Variants in BMP2K observed in about 807,000 individuals in gnomAD.
The protein encoded by BMP2K is BMP2 inducible kinase.
A neutral mutation model predicts 116.0 loss-of-function variants in BMP2K; 74 were observed. The ratio of observed to expected loss-of-function variants is 0.64; its 90% CI spans 0.53 to 0.77. The LOEUF (loss-of-function observed/expected upper bound fraction) is 0.77. BMP2K is among the 30% of genes least tolerant of loss of function. The probability of loss-of-function intolerance (pLI) is 0.00; values close to 1 mark genes in which losing one functional copy is unlikely to be tolerated. For missense variants in BMP2K, 1,365 were observed against 1,403.6 expected, an observed-to-expected ratio of 0.97 and a Z score of 0.44; for synonymous variants, 486 against 502.5, an observed-to-expected ratio of 0.97 and a Z score of 0.44.
intron 15 of BMP2K, among the ~76,000 whole-genome samples, chr4:78,900,196 A>G (rs929393520): frequency 6.6e-6 from 1 of 152,228 alleles, no homozygotes; most frequent in Non-Finnish European, 1.5e-5. Context: ...AGTAGTAAAT[A>G]TCTTATTGAC....
Position 78,776,451 on chromosome 4 carries a change from G to A in BMP2K, c.-93G>A. On this transcript the variant is annotated 5_prime_UTR_variant, in exon 1 of 16. Coordinates refer to ENST00000502613, the MANE Select transcript of BMP2K (RefSeq NM_198892.2). ...GGCCGCAGCACGCTCGGACGGGCCA[G>A]GGGCGGCGACCCCTCGCGGACGCCC... is the stretch of plus-strand genomic sequence containing the variant. 9.3e-7 allele frequency: 1 copy of A among 1,080,652 alleles called. No homozygotes were observed. The highest frequency in any genetic ancestry group is 1.1e-6 in the Non-Finnish European group (1 of 888,836). 66.9% of individuals were successfully genotyped at this position (1,080,652 alleles called of 1,614,324 possible).
chr4:78,909,586 A>G (rs1333144548), intron 15 of BMP2K, among the ~76,000 whole-genome samples: 1 of 152,048 alleles, frequency 6.6e-6, no homozygotes, highest in East Asian at 1.9e-4. Flanking sequence ...CCCCTTAAAT[A>G]TGTCTTTATA....
intron 4 of BMP2K, among the ~76,000 whole-genome samples, chr4:78,844,646 T>G (rs1730911764): frequency 6.6e-6 from 1 of 151,616 alleles, no homozygotes; most frequent in Non-Finnish European, 1.5e-5. Flanking sequence ...CATTTCTCTG[T>G]TCTTAGTAAG....
intron 3 of BMP2K, among the ~76,000 whole-genome samples, chr4:78,839,982 T>G (rs1730680082): frequency 6.6e-6 from 1 of 152,136 alleles, no homozygotes; most frequent in Admixed American, 6.5e-5. Context: ...CTTTGCATCC[T>G]TCAGTCCAAT....
chr4:78,864,295 G>A (rs1731937853), intron 9 of BMP2K, among the ~76,000 whole-genome samples: 1 of 151,938 alleles, frequency 6.6e-6, no homozygotes, highest in Non-Finnish European at 1.5e-5. Context: ...CTTGAGCTTA[G>A]GGAGTATAGC....
chr4:78,907,961 A>T (rs924945110), intron 15 of BMP2K, among the ~76,000 whole-genome samples: 1 of 152,128 alleles, frequency 6.6e-6, no homozygotes, highest in African/African-American at 2.4e-5. Flanking sequence ...TACATATTTT[A>T]TTTTCATTTT....
intron 8 of BMP2K, among the ~76,000 whole-genome samples, chr4:78,860,649 T>A (rs1166925062): frequency 1.3e-5 from 2 of 151,830 alleles, no homozygotes; most frequent in African/African-American, 4.8e-5. Context: ...CAATCATCAC[T>A]GATTATAAGC....
intron 3 of BMP2K, among the ~76,000 whole-genome samples, chr4:78,840,724 A>G (rs939172151): frequency 1.3e-5 from 2 of 152,002 alleles, no homozygotes; most frequent in Non-Finnish European, 2.9e-5. Context: ...GCCCAAATAT[A>G]GTTTTTAGTT....
Position 78,870,950 on chromosome 4 carries a change from C to A in BMP2K, c.1399C>A (p.Gln467Lys). 6.2e-7 allele frequency: 1 copy of A among 1,611,142 alleles called. No homozygotes were observed. ...TCACCAGCAGCAGCAGCAGCAGCAG[C>A]AGCAACAGCAACAGCAGCAGCAGCA... is the stretch of plus-strand genomic sequence containing the variant. ...HPHQQQQQQQQQQQQQQQQQQ... is the reference protein window; with the variant it reads ...HPHQQQQQQQKQQQQQQQQQQ... The change falls in exon 11 of 16, where the codon CAG becomes AAG. Residue 467 changes from glutamine (Q) to lysine (K), a missense_variant. Gln to Lys is a moderately conservative substitution (Grantham distance 53). Coordinates refer to ENST00000502613, the MANE Select transcript of BMP2K (RefSeq NM_198892.2).
At chr4:78,880,698 G>A (rs764199436) in intron 14 of BMP2K, among the ~76,000 whole-genome samples, 18 of 152,180 alleles carry the variant, frequency 1.2e-4, no homozygotes, top group Non-Finnish European at 2.4e-4. Context: ...ATTGGGTTGA[G>A]CACGTAAAAT....
chr4:78,851,970 A>G (rs1225691018), intron 7 of BMP2K, among the ~76,000 whole-genome samples: 1 of 152,092 alleles, frequency 6.6e-6, no homozygotes, highest in African/African-American at 2.4e-5. Context: ...TCATTTGACA[A>G]ATGTCTAAGT....
intron 13 of BMP2K, among the ~76,000 whole-genome samples, chr4:78,876,980 A>T (rs183707408): frequency 1.6e-3 from 239 of 152,332 alleles, no homozygotes; most frequent in Non-Finnish European, 2.6e-3. Flanking sequence ...AGACAATTGT[A>T]ACAGAATGGT....
intron 2 of BMP2K, among the ~76,000 whole-genome samples, chr4:78,831,829 C>T (rs1044184525): frequency 1.3e-5 from 2 of 152,164 alleles, no homozygotes; most frequent in African/African-American, 4.8e-5. Context: ...TACATATGCT[C>T]AGTGCTCTGG....
chr4:78,806,856 T>TA (rs1447826646), intron 1 of BMP2K, among the ~76,000 whole-genome samples: 2 of 150,762 alleles, frequency 1.3e-5, no homozygotes, highest in African/African-American at 2.4e-5. Context: ...TTTTTTTTTT[T>TA]AAATATTTTT....
chr4:78,809,469 C>T (rs1164224110), intron 1 of BMP2K, among the ~76,000 whole-genome samples: 2 of 152,086 alleles, frequency 1.3e-5, no homozygotes, highest in South Asian at 2.1e-4. Flanking sequence ...CCTTGACCTC[C>T]TGAACTTAAG....
intron 15 of BMP2K, among the ~76,000 whole-genome samples, chr4:78,899,845 A>G (rs1196355177): frequency 6.6e-6 from 1 of 152,164 alleles, no homozygotes; most frequent in East Asian, 1.9e-4. Context: ...AAGTTGAGAT[A>G]TTAGCAACAG....
chr4:78,797,135 G>A (rs1223621537), intron 1 of BMP2K, among the ~76,000 whole-genome samples: 1 of 152,074 alleles, frequency 6.6e-6, no homozygotes, highest in Non-Finnish European at 1.5e-5. Flanking sequence ...TTAATACAGT[G>A]CTTCTTAAAC....
chr4:78,871,174 C>A, intron 11 of BMP2K, 114 bp downstream of exon 11: 1 of 1,490,590 alleles, frequency 6.7e-7, no homozygotes, highest in Non-Finnish European at 9.0e-7. Context: ...TTTGAGTAAA[C>A]ACTTTCCCCA....
chr4:78,872,708 C>G lies in BMP2K; in HGVS notation c.1703C>G (p.Pro568Arg). Residue 568 changes from proline (P) to arginine (R), a missense_variant, in exon 13 of 16, where the codon CCT (proline) becomes CGT (arginine). Physicochemically the swap from Pro to Arg is moderately radical, Grantham distance 103. Coordinates refer to ENST00000502613, the MANE Select transcript of BMP2K (RefSeq NM_198892.2). ...QQASPEYLTS[P>R]QEFSPALVSY... is the part of the protein sequence containing the mutation. ...GCATCACCTGAATATCTTACCTCCC[C>G]TCAAGAGTTCTCACCAGCCTTAGTT... 1 of 1,614,172 alleles carries G rather than the reference C, an allele frequency of 6.2e-7. No homozygotes were observed. Among genetic ancestry groups the G allele is most frequent in the Non-Finnish European group, 8.5e-7 (1 of 1,180,018 alleles).
Sources: gnomAD v4.1 joint callset for allele counts (sites outside exome capture counted in the v4.1 genomes callset) on GRCh38, gnomAD v4.1.1 for gene constraint, MANE v1.5 for transcripts, NCBI Gene and HGNC (gene_info 2026-07-23, HGNC 2026-07-21) for gene names.